The following PPM1H variants were observed in gnomAD, a reference collection of about 807,000 sequenced individuals.
PPM1H encodes protein phosphatase 1H.
In PPM1H, 27 loss-of-function variants were observed where a neutral mutation model predicts 54.9. The observed-to-expected ratio is 0.49, with a 90% CI of 0.36 to 0.68. PPM1H has a LOEUF of 0.68. PPM1H is among the 30% of genes least tolerant of loss of function. The pLI is 0.00. For missense variants in PPM1H, 596 were observed against 667.8 expected, an observed-to-expected ratio of 0.89 and a Z score of 1.19; for synonymous variants, 305 against 270.8, an observed-to-expected ratio of 1.13 and a Z score of -1.24.
At chr12:62,842,749 C>G (rs1185221861) in intron 1 of PPM1H, among the ~76,000 whole-genome samples, 4 of 152,180 alleles carry the variant, frequency 2.6e-5, no homozygotes, top group African/African-American at 9.7e-5. Flanking sequence ...GGCCACTCCA[C>G]CTAAACATAC....
At chr12:62,772,931 C>T (rs528453165) in intron 4 of PPM1H, among the ~76,000 whole-genome samples, 2 of 152,160 alleles carry the variant, frequency 1.3e-5, no homozygotes, top group Admixed American at 6.5e-5. Context: ...AGGTGGATCA[C>T]GAGGTCAAGA....
intron 6 of PPM1H, among the ~76,000 whole-genome samples, chr12:62,699,528 A>T (rs2076132207): frequency 6.6e-6 from 1 of 152,248 alleles, no homozygotes; most frequent in South Asian, 2.1e-4. Context: ...AACAGATGGT[A>T]TAAAGCTCGG....
At chr12:62,810,376 T>G (rs2076827804) in intron 2 of PPM1H, among the ~76,000 whole-genome samples, 1 of 152,094 alleles carries the variant, frequency 6.6e-6, no homozygotes, top group Non-Finnish European at 1.5e-5. Context: ...TCAGAGGGGC[T>G]CCAAAGAAAC....
intron 5 of PPM1H, among the ~76,000 whole-genome samples, chr12:62,729,328 C>T (rs1477000241): frequency 6.6e-6 from 1 of 152,090 alleles, no homozygotes; most frequent in East Asian, 1.9e-4. Flanking sequence ...TGGGAGAGAG[C>T]ATGGCATTTG....
At chr12:62,925,334 T>G (rs543997247) in intron 1 of PPM1H, among the ~76,000 whole-genome samples, 2 of 152,184 alleles carry the variant, frequency 1.3e-5, no homozygotes, top group African/African-American at 4.8e-5. Flanking sequence ...ATCCCAGCAT[T>G]TTGGGAGGCC....
At chr12:62,868,849 C>T (rs1869876643) in intron 1 of PPM1H, among the ~76,000 whole-genome samples, 2 of 152,220 alleles carry the variant, frequency 1.3e-5, no homozygotes, top group South Asian at 2.1e-4. Context: ...CCAATGAGTT[C>T]CTCAGGATAC....
intron 1 of PPM1H, among the ~76,000 whole-genome samples, chr12:62,894,394 C>T (rs752568693): frequency 3.9e-5 from 6 of 152,128 alleles, no homozygotes; most frequent in African/African-American, 7.2e-5. Context: ...GAGAACGTTG[C>T]TCCTCGTGTT....
At chr12:62,809,625 C>T (rs1224364425) in intron 2 of PPM1H, among the ~76,000 whole-genome samples, 2 of 152,174 alleles carry the variant, frequency 1.3e-5, no homozygotes, top group South Asian at 2.1e-4. Context: ...GAAGGTGATG[C>T]TTTTAAAGCA....
At chr12:62,812,060 G>C (rs1383052298) in intron 2 of PPM1H, among the ~76,000 whole-genome samples, 3 of 152,154 alleles carry the variant, frequency 2.0e-5, no homozygotes, top group Non-Finnish European at 4.4e-5. Context: ...CCAAGTTAAG[G>C]GATCTTTCCC....
intron 9 of PPM1H, chr12:62,659,185 C>G: frequency 7.0e-6 from 5 of 713,402 alleles, no homozygotes; most frequent in South Asian, 6.8e-5. Context: ...ATCAGAGTCA[C>G]CAACCCCAAT....
intron 9 of PPM1H, among the ~76,000 whole-genome samples, chr12:62,660,321 C>A (rs2075876152): frequency 6.6e-6 from 1 of 152,014 alleles, no homozygotes; most frequent in Non-Finnish European, 1.5e-5. Context: ...AGTTTGACAA[C>A]AGAAATAGAA....
intron 1 of PPM1H, among the ~76,000 whole-genome samples, chr12:62,930,706 G>T (rs1565832605): frequency 6.6e-6 from 1 of 152,196 alleles, no homozygotes; most frequent in Non-Finnish European, 1.5e-5. Context: ...TGGTCTCTGG[G>T]TCAGACTGTT....
At position 62,806,589 on chromosome 12, in the gene PPM1H, G is replaced by C. The variant is rs564493940; in HGVS notation, c.412-4429C>G. Reference sequence around the variant, plus strand: ...TGGGGGTGGATTTCCCCTTGTTCTTGTGACAGTGAGTGAGTTCTCACGAGA... The same window carrying C: ...TGGGGGTGGATTTCCCCTTGTTCTTCTGACAGTGAGTGAGTTCTCACGAGA... On this transcript the variant is annotated intron_variant, in intron 2 of 9. Coordinates refer to ENST00000228705, the MANE Select transcript of PPM1H (RefSeq NM_020700.2). Among the ~76,000 whole-genome samples the C allele has an allele frequency of 3.9e-5, 6 of 152,254 alleles. No homozygotes were observed. In the South Asian group the frequency reaches 1.2e-3, roughly 32 times the overall value.
chr12:62,878,215 A>G (rs901074039), intron 1 of PPM1H, among the ~76,000 whole-genome samples: 4 of 152,086 alleles, frequency 2.6e-5, no homozygotes, highest in African/African-American at 4.8e-5. Flanking sequence ...CTCTATTTTA[A>G]TGTCTAATAC....
chr12:62,653,631 A>G (rs1185009243), intron 9 of PPM1H, among the ~76,000 whole-genome samples: 2 of 152,316 alleles, frequency 1.3e-5, no homozygotes, highest in Non-Finnish European at 2.9e-5. Flanking sequence ...GTGAGTGTGA[A>G]GAAGAATAAG....
intron 4 of PPM1H, among the ~76,000 whole-genome samples, chr12:62,764,739 G>C (rs2076531236): frequency 6.6e-6 from 1 of 152,220 alleles, no homozygotes; most frequent in Non-Finnish European, 1.5e-5. Context: ...GAGGAGCCGT[G>C]ATCCATCTGT....
chr12:62,675,868 A>G (rs2075982456), intron 8 of PPM1H, among the ~76,000 whole-genome samples: 1 of 152,238 alleles, frequency 6.6e-6, no homozygotes, highest in African/African-American at 2.4e-5. Context: ...GGGAGATACA[A>G]TCACCATGGG....
chr12:62,649,877 A>G (rs10506444), intron 9 of PPM1H, among the ~76,000 whole-genome samples: 55,950 of 152,084 alleles, frequency 0.37, 10,411 homozygotes, highest in South Asian at 0.48. Flanking sequence ...TGATTAAATC[A>G]GTTTCTGAAC....
At chr12:62,783,052 C>T (rs2076651040) in intron 4 of PPM1H, among the ~76,000 whole-genome samples, 1 of 152,038 alleles carries the variant, frequency 6.6e-6, no homozygotes, top group South Asian at 2.1e-4. Context: ...GGCTGGTCTG[C>T]AACTCTTAGG....
Sources: gnomAD v4.1 joint callset for allele counts (sites outside exome capture counted in the v4.1 genomes callset) on GRCh38, gnomAD v4.1.1 for gene constraint, MANE v1.5 for transcripts, NCBI Gene and HGNC (gene_info 2026-07-23, HGNC 2026-07-21) for gene names.